Variants in DSTYK observed in about 807,000 individuals in gnomAD.
DSTYK encodes dual serine/threonine and tyrosine protein kinase, also known as RIP-homologous kinase.
Under a neutral mutation model 98.7 loss-of-function variants are expected in DSTYK, and 34 were observed. That is an observed-to-expected ratio of 0.34 (90% CI 0.26 to 0.46). DSTYK has a LOEUF of 0.46. Ranked by LOEUF, DSTYK falls within the 20% of genes least tolerant of loss-of-function variation. The pLI is 1.00. For missense variants in DSTYK, 962 were observed against 1,181.7 expected (o/e 0.81, Z 2.73); for synonymous variants, 462 against 457.3 (o/e 1.01, Z -0.13).
At chr1:205,161,608 G>A (rs1362360362) in intron 6 of DSTYK, among the ~76,000 whole-genome samples, 9 of 152,000 alleles carry the variant, frequency 5.9e-5, no homozygotes, top group Admixed American at 2.0e-4. Context: ...TCTCTGCCTG[G>A]ACACACCCAC....
intron 11 of DSTYK, among the ~76,000 whole-genome samples, chr1:205,149,639 T>C (rs568972958): frequency 2.0e-5 from 3 of 152,208 alleles, no homozygotes; most frequent in Non-Finnish European, 4.4e-5. Context: ...ACCAGCTATC[T>C]AGTCTTACCT....
rs1365924304 is a variant in DSTYK, at chr1:205,148,215, A to G, written c.2592T>C (p.Asn864=). 7 of 1,614,092 alleles carry G rather than the reference A, an allele frequency of 4.3e-6. No individual in the cohort carries two copies. The highest frequency in any genetic ancestry group is 5.9e-6 in the Non-Finnish European group (7 of 1,180,000). Residue 864 remains asparagine (N), a synonymous_variant, in exon 12 of 13, where the codon AAT becomes AAC. Transcript: ENST00000367162. The stretch of plus-strand genomic sequence containing the variant: ...ACTTGTGGCTCTTACCCCTCCGCAC[A>G]TTGTTCCAGAGATGGTCTTTGCTAG... The part of the protein sequence containing the change: ...RCASKDHLWN[N]VRRGARPERL...
chr1:205,182,604 G>A lies in DSTYK; in HGVS notation c.654+4814C>T, dbSNP rs913181820. 1.9e-4 allele frequency among the ~76,000 whole-genome samples: 28 copies of A among 150,284 alleles called. No homozygotes were observed. In the Admixed American group the frequency reaches 1.9e-3, roughly 10 times the overall value. ...GCGGATAACCTGAGGTCAGGAGTTC[G>A]AGACCAGCCTGGCCAACATGGCGAA... On this transcript the variant is annotated intron_variant, in intron 2 of 12. Coordinates refer to ENST00000367162, the MANE Select transcript of DSTYK (RefSeq NM_015375.3).
intron 1 of DSTYK, among the ~76,000 whole-genome samples, chr1:205,189,358 T>A (rs192430107): frequency 3.4e-4 from 52 of 152,340 alleles, no homozygotes; most frequent in South Asian, 6.2e-4. Context: ...AGTATCAGTG[T>A]CTGCCTATCT....
chr1:205,156,245 GAGA>G (rs1303656951), intron 10 of DSTYK, among the ~76,000 whole-genome samples: 10 of 152,212 alleles, frequency 6.6e-5, no homozygotes, highest in Admixed American at 2.0e-4. Flanking sequence ...GTGGAGCTGT[GAGA>G]AGAAGGCCAC....
intron 12 of DSTYK, 28 bp downstream of exon 12, chr1:205,148,177 A>C: frequency 6.2e-7 from 1 of 1,613,564 alleles, no homozygotes; most frequent in Non-Finnish European, 8.5e-7. Context: ...CAGGGGAGTT[A>C]GGACAAGGTA....
intron 1 of DSTYK, among the ~76,000 whole-genome samples, chr1:205,190,095 T>C (rs1464487946): frequency 6.6e-6 from 1 of 152,144 alleles, no homozygotes; most frequent in East Asian, 1.9e-4. Flanking sequence ...TTTATAATCA[T>C]CTAAAGCAGG....
At chr1:205,172,043 C>T (rs1658080269) in intron 2 of DSTYK, among the ~76,000 whole-genome samples, 1 of 152,176 alleles carries the variant, frequency 6.6e-6, no homozygotes, top group Non-Finnish European at 1.5e-5. Context: ...GCAACCTCTG[C>T]CTCCTGGGTT....
At chr1:205,201,237 A>C (rs1262969448) in intron 1 of DSTYK, among the ~76,000 whole-genome samples, 2 of 152,104 alleles carry the variant, frequency 1.3e-5, no homozygotes, top group Non-Finnish European at 2.9e-5. Context: ...TAAGGAAAGT[A>C]ATTAGATTGT....
chr1:205,211,675 G>T lies in DSTYK; in HGVS notation c.-140C>A. The T allele has an allele frequency of 1.7e-6, 2 of 1,184,282 alleles. No individual in the cohort carries two copies. The highest frequency in any genetic ancestry group is 2.2e-6 in the Non-Finnish European group (2 of 889,904). The allele number at this position is 1,184,282 out of a possible 1,614,324, so 73.4% of individuals were successfully genotyped here. On this transcript the variant is annotated 5_prime_UTR_variant, in exon 1 of 13. Transcript: ENST00000367162. ...GCAGTCAGCCTGGCTCCCAACCTCC[G>T]TCACTGCCGTTGCAAACAAACCAAA... is the stretch of plus-strand genomic sequence containing the variant.
chr1:205,174,513 CAAAAAAAA>C (rs1161752883), intron 2 of DSTYK, among the ~76,000 whole-genome samples: 1 of 97,126 alleles, frequency 1.0e-5, no homozygotes, highest in Non-Finnish European at 2.0e-5. Flanking sequence ...ACTCCGTCTC[CAAAAAAAA>C]AAAAAAAAAA....
chr1:205,190,519 G>C (rs1295575856), intron 1 of DSTYK, among the ~76,000 whole-genome samples: 2 of 151,440 alleles, frequency 1.3e-5, no homozygotes, highest in Non-Finnish European at 2.9e-5. Flanking sequence ...GGGAGACTGA[G>C]GCAGGAGAAT....
chr1:205,202,780 TA>T (rs869233257), intron 1 of DSTYK: 4 of 610,960 alleles, frequency 6.5e-6, no homozygotes, highest in Non-Finnish European at 1.2e-5. Context: ...AATATTTTTT[TA>T]AAAAAAGGAA....
In DSTYK at chr1:205,150,528, C is replaced by T; in HGVS notation, c.2467+152G>A. ...CTCCTTTACCTCTTCACTTTCCCTG[C>T]TACTTGCCTTAGGTAGGTCTCCCCT... On this transcript the variant is annotated intron_variant, in intron 11 of 12. Coordinates refer to ENST00000367162, the MANE Select transcript of DSTYK (RefSeq NM_015375.3). The surrounding 1 kb of genome is among the most constrained non-coding windows in gnomAD (Gnocchi z 4.1). 1.7e-6 allele frequency: 1 copy of T among 586,740 alleles called. No individual in the cohort carries two copies. The allele number at this position is 586,740 out of a possible 1,614,324, so 36.3% of individuals were successfully genotyped here.
chr1:205,174,297 G>A (rs897272364), intron 2 of DSTYK, among the ~76,000 whole-genome samples: 2 of 151,792 alleles, frequency 1.3e-5, no homozygotes, highest in Non-Finnish European at 1.5e-5. Flanking sequence ...GGTGGATCAC[G>A]AAGTCAGGAG....
In DSTYK at chr1:205,211,499, C is replaced by A; in HGVS notation, c.37G>T (p.Val13Phe). 6.3e-7 allele frequency: 1 copy of A among 1,574,820 alleles called. No individual in the cohort carries two copies. The highest frequency in any genetic ancestry group is 8.6e-7 in the Non-Finnish European group (1 of 1,165,608). Reference protein sequence around the residue: ...GDGVPWGSEPVSGPGPGGGGM... With the variant: ...GDGVPWGSEPFSGPGPGGGGM... ...CCGCCGCCGGGGCCGGGACCCGAGA[C>A]GGGCTCGCTGCCCCATGGCACCCCG... The change falls in exon 1 of 13, where the codon GTC becomes TTC. Residue 13 changes from valine (V) to phenylalanine (F), a missense_variant. This residue lies in a region of DSTYK where 168 missense variants were observed against 120.0 expected (regional missense o/e 1.40). Coordinates refer to ENST00000367162, the MANE Select transcript of DSTYK (RefSeq NM_015375.3).
At chr1:205,187,958 G>C in intron 1 of DSTYK, 152 bp from the exon 2 acceptor site, 1 of 715,902 alleles carries the variant, frequency 1.4e-6, no homozygotes, top group East Asian at 2.8e-5. Flanking sequence ...GACATATCAG[G>C]GAAAAAACCC....
At chr1:205,165,386 C>A (rs951605324) in intron 3 of DSTYK, among the ~76,000 whole-genome samples, 5 of 152,082 alleles carry the variant, frequency 3.3e-5, no homozygotes, top group Admixed American at 3.3e-4. Context: ...CCATTGCCGC[C>A]GGCCAGGAAT....
intron 3 of DSTYK, among the ~76,000 whole-genome samples, chr1:205,167,603 C>G (rs1479256250): frequency 1.3e-5 from 2 of 152,060 alleles, no homozygotes; most frequent in Non-Finnish European, 2.9e-5. Context: ...ATAGAAAATA[C>G]AGGAAAGTGC....
Sources: gnomAD v4.1 joint callset for allele counts (sites outside exome capture counted in the v4.1 genomes callset) on GRCh38, gnomAD v4.1.1 for gene constraint, gnomAD v4.1.1 regional missense constraint, Gnocchi (gnomAD v3.1) non-coding constraint, MANE v1.5 for transcripts, NCBI Gene and HGNC (gene_info 2026-07-23, HGNC 2026-07-21) for gene names.